CNTNAP5: variants seen among roughly 807,000 people sequenced by gnomAD.
CNTNAP5 encodes contactin associated protein family member 5, also known as contactin-associated protein-like 5.
CNTNAP5 carries 72 observed loss-of-function variants against 150.2 expected under a neutral mutation model. The observed-to-expected ratio is 0.48, with a 90% CI of 0.40 to 0.58. The LOEUF (loss-of-function observed/expected upper bound fraction) is 0.58. CNTNAP5 is among the 20% of genes least tolerant of loss of function. The pLI is 0.00. For missense variants in CNTNAP5, 1,636 were observed against 1,626.2 expected, an observed-to-expected ratio of 1.01 and a Z score of -0.10; for synonymous variants, 672 against 619.8, an observed-to-expected ratio of 1.08 and a Z score of -1.25.
intron 3 of CNTNAP5, among the ~76,000 whole-genome samples, chr2:124,302,134 T>C (rs149178352): frequency 8.1e-4 from 124 of 152,274 alleles, no homozygotes; most frequent in African/African-American, 2.9e-3. Context: ...AGCTAGAACT[T>C]TGATCTGAGA....
intron 11 of CNTNAP5, 125 bp from the exon 12 acceptor site, chr2:124,609,676 A>C: frequency 9.6e-7 from 1 of 1,037,984 alleles, no homozygotes; most frequent in Non-Finnish European, 1.4e-6. Flanking sequence ...TTGGGGAAAA[A>C]GTCAAGGATA....
At chr2:124,300,531 A>G (rs1688548459) in intron 3 of CNTNAP5, among the ~76,000 whole-genome samples, 1 of 152,156 alleles carries the variant, frequency 6.6e-6, no homozygotes, top group Non-Finnish European at 1.5e-5. Flanking sequence ...AGAAGAGCGT[A>G]AGAATCCTTG....
intron 12 of CNTNAP5, among the ~76,000 whole-genome samples, chr2:124,623,652 G>A (rs778257986): frequency 4.6e-5 from 7 of 152,128 alleles, no homozygotes; most frequent in Admixed American, 3.3e-4. Flanking sequence ...CAGAGAAGGT[G>A]GGAAAGAAAG....
At chr2:124,160,535 T>C (rs1308311076) in intron 1 of CNTNAP5, among the ~76,000 whole-genome samples, 1 of 151,798 alleles carries the variant, frequency 6.6e-6, no homozygotes, top group Non-Finnish European at 1.5e-5. Context: ...TTTTTTTTTT[T>C]TAAAGTTAAG....
At chr2:124,240,505 T>C (rs1686858133) in intron 2 of CNTNAP5, among the ~76,000 whole-genome samples, 1 of 152,086 alleles carries the variant, frequency 6.6e-6, no homozygotes, top group Admixed American at 6.6e-5. Context: ...GCAATTCTAC[T>C]ACCAAAGAAG....
intron 13 of CNTNAP5, among the ~76,000 whole-genome samples, chr2:124,738,407 T>G (rs1680431359): frequency 6.6e-6 from 1 of 152,170 alleles, no homozygotes; most frequent in Non-Finnish European, 1.5e-5. Flanking sequence ...GTAAGTCTCG[T>G]GTTATTTCAT....
At chr2:124,793,711 T>A (rs907900210) in intron 18 of CNTNAP5, among the ~76,000 whole-genome samples, 1 of 151,996 alleles carries the variant, frequency 6.6e-6, no homozygotes, top group African/African-American at 2.4e-5. Context: ...AGGTAGGGGG[T>A]CCAGCTTTAG....
intron 1 of CNTNAP5, among the ~76,000 whole-genome samples, chr2:124,086,298 G>A (rs1682690821): frequency 6.8e-6 from 1 of 147,902 alleles, no homozygotes; most frequent in Middle Eastern, 3.3e-3. Context: ...CCGGCTCCCG[G>A]GTTCACTCCA....
At chr2:124,511,668 A>G (rs1380664300) in intron 8 of CNTNAP5, among the ~76,000 whole-genome samples, 1 of 152,226 alleles carries the variant, frequency 6.6e-6, no homozygotes, top group African/African-American at 2.4e-5. Context: ...CAAAGAAATC[A>G]TCAACCCAAG....
At chr2:124,642,276 T>C (rs183271671) in intron 12 of CNTNAP5, among the ~76,000 whole-genome samples, 24 of 152,268 alleles carry the variant, frequency 1.6e-4, no homozygotes, top group African/African-American at 5.3e-4. Context: ...TCTTTTCTCT[T>C]TTTGTTATTG....
chr2:124,627,224 C>T (rs6751637), intron 12 of CNTNAP5, among the ~76,000 whole-genome samples: 14,382 of 152,210 alleles, frequency 0.094, 968 homozygotes, highest in African/African-American at 0.19. Flanking sequence ...ACCAGCTCCC[C>T]TAAGGGGCAG....
At position 124,730,327 on chromosome 2, in the gene CNTNAP5, G is replaced by A. The variant is rs149389842; in HGVS notation, c.2078-16902G>A. ...GTGTAGTATACAGGTGTGCGCGTGTGTGTGTGGACATGTGTACAGATATAT... is the reference window on the plus strand; with the variant it reads ...GTGTAGTATACAGGTGTGCGCGTGTATGTGTGGACATGTGTACAGATATAT... On this transcript the variant is annotated intron_variant, in intron 13 of 23. Coordinates refer to ENST00000682447, the MANE Select transcript of CNTNAP5 (RefSeq NM_001367498.1). 6.2e-3 allele frequency among the ~76,000 whole-genome samples: 947 copies of A among 151,688 alleles called. 11 individuals carry two copies. The highest frequency in any genetic ancestry group is 0.022 in the African/African-American group (915 of 41,304).
chr2:124,378,767 G>T (rs1200098757), intron 3 of CNTNAP5, among the ~76,000 whole-genome samples: 4 of 152,000 alleles, frequency 2.6e-5, no homozygotes, highest in Admixed American at 2.6e-4. Context: ...TATTCTTGTT[G>T]GATGATGCTC....
At chr2:124,809,380 GTATTTATTTATTTATTTATTTATT>G (rs71387244) in intron 19 of CNTNAP5, among the ~76,000 whole-genome samples, 6 of 144,934 alleles carry the variant, frequency 4.1e-5, no homozygotes, top group Non-Finnish European at 7.5e-5. Context: ...CAATAATATG[GTATTTATTTATTTATTTATTTATT>G]TATTTATTTA....
chr2:124,337,145 A>G lies in CNTNAP5; in HGVS notation c.382-80298A>G, dbSNP rs534723947. The stretch of plus-strand genomic sequence containing the variant: ...GGCCAGTGATGATGAGCATTTTTTC[A>G]TGTGTCTTTTGGCTGCATAAATGTC... On this transcript the variant is annotated intron_variant, in intron 3 of 23. Transcript: ENST00000682447. Among the ~76,000 whole-genome samples, 9 of 152,082 alleles carry G rather than the reference A, an allele frequency of 5.9e-5. No individual in the cohort carries two copies. In the East Asian group the frequency reaches 1.7e-3, roughly 30 times the overall value.
At chr2:124,686,410 G>A (rs898650511) in intron 13 of CNTNAP5, among the ~76,000 whole-genome samples, 2 of 152,130 alleles carry the variant, frequency 1.3e-5, no homozygotes, top group Admixed American at 6.6e-5. Flanking sequence ...CTGAACTGAA[G>A]GGGTAGGAGG....
chr2:124,537,660 G>A (rs986899406), intron 10 of CNTNAP5, among the ~76,000 whole-genome samples: 1 of 152,126 alleles, frequency 6.6e-6, no homozygotes, highest in African/African-American at 2.4e-5. Context: ...TCTTTAATGA[G>A]GGTTTCCTTC....
intron 19 of CNTNAP5, among the ~76,000 whole-genome samples, chr2:124,855,470 G>T (rs566166839): frequency 6.6e-6 from 1 of 152,200 alleles, no homozygotes; most frequent in African/African-American, 2.4e-5. Context: ...ATTGTGCCCA[G>T]CCACCTCGGA....
At chr2:124,635,794 C>A (rs181410515) in intron 12 of CNTNAP5, among the ~76,000 whole-genome samples, 1 of 152,296 alleles carries the variant, frequency 6.6e-6, no homozygotes, top group Admixed American at 6.5e-5. Context: ...AGGCCAAGCA[C>A]CCCTTGCTTG....
Sources: gnomAD v4.1 joint callset for allele counts (sites outside exome capture counted in the v4.1 genomes callset) on GRCh38, gnomAD v4.1.1 for gene constraint, MANE v1.5 for transcripts, NCBI Gene and HGNC (gene_info 2026-07-23, HGNC 2026-07-21) for gene names.